The following PRSS12 variants were observed in gnomAD, a reference collection of about 807,000 sequenced individuals.
PRSS12 encodes the protein neurotrypsin.
A neutral mutation model predicts 104.4 loss-of-function variants in PRSS12; 85 were observed. The observed-to-expected ratio is 0.81, with a 90% CI of 0.68 to 0.98. PRSS12 has a LOEUF of 0.98. PRSS12 is among the 50% of genes least tolerant of loss of function. The probability of loss-of-function intolerance (pLI) is 0.00; values close to 1 mark genes in which losing one functional copy is unlikely to be tolerated. For synonymous variants in PRSS12, 454 were observed against 425.2 expected (o/e 1.07, Z -0.83); for missense variants, 1,141 against 1,139.2 (o/e 1.00, Z -0.02).
intron 11 of PRSS12, among the ~76,000 whole-genome samples, chr4:118,286,201 G>A (rs376776499): frequency 5.3e-5 from 8 of 152,190 alleles, no homozygotes; most frequent in African/African-American, 1.9e-4. Context: ...CTCCTTCTGA[G>A]TACCCTTCAA....
Position 118,352,887 on chromosome 4 carries a change from G to GT in PRSS12, c.-168dup, listed in dbSNP as rs1724564140. 2.8e-6 allele frequency: 4 copies of GT among 1,411,120 alleles called. No individual in the cohort carries two copies. The highest frequency in any genetic ancestry group is 2.8e-6 in the Non-Finnish European group (3 of 1,086,008). The allele number at this position is 1,411,120 out of a possible 1,614,324, so 87.4% of individuals were successfully genotyped here. ...TCCCCAACCTTGCCTCCCGCCGCTG[G>GT]TGCCCTGCCGCGCCTCGGCTCCTGT... On this transcript the variant is annotated 5_prime_UTR_variant, in exon 1 of 13. Coordinates refer to ENST00000296498, the MANE Select transcript of PRSS12 (RefSeq NM_003619.4).
At chr4:118,303,771 C>T (rs1743461247) in intron 8 of PRSS12, 1 of 151,998 alleles carries the variant, frequency 6.6e-6, no homozygotes, top group Admixed American at 6.5e-5. Flanking sequence ...TTGCTGCTAT[C>T]AAGATCAAAC....
At position 118,298,871 on chromosome 4, in the gene PRSS12, C is replaced by T; in HGVS notation, c.1699G>A (p.Val567Met). 1 of 1,614,196 alleles carries T rather than the reference C, an allele frequency of 6.2e-7. No individual in the cohort carries two copies. The highest frequency in any genetic ancestry group is 8.5e-7 in the Non-Finnish European group (1 of 1,180,030). The change falls in exon 9 of 13, where the codon GTG (valine) becomes ATG (methionine). Residue 567 changes from valine to methionine, a missense_variant. Transcript: ENST00000296498. Reference sequence around the variant, plus strand: ...GACCTCTCATTTCCTGTGCACTTCACATTATCCACATGGATGGGTCCTTTT... The same window carrying T: ...GACCTCTCATTTCCTGTGCACTTCATATTATCCACATGGATGGGTCCTTTT... ...EGKGPIHVDN[V>M]KCTGNERSLA... is the part of the protein sequence containing the mutation.
intron 7 of PRSS12, among the ~76,000 whole-genome samples, chr4:118,309,464 G>A (rs1413148057): frequency 1.4e-5 from 1 of 73,092 alleles, no homozygotes; most frequent in Non-Finnish European, 3.6e-5. Context: ...TAAGGAGAGA[G>A]GCCTGGAGCA....
chr4:118,329,489 TGATAACCCA>T (rs1723864213), intron 4 of PRSS12, among the ~76,000 whole-genome samples: 1 of 152,162 alleles, frequency 6.6e-6, no homozygotes, highest in African/African-American at 2.4e-5. Flanking sequence ...AACACATAAC[TGATAACCCA>T]GTGAATACAT....
chr4:118,326,970 T>G (rs1373531232), intron 4 of PRSS12, among the ~76,000 whole-genome samples: 1 of 152,088 alleles, frequency 6.6e-6, no homozygotes, highest in Non-Finnish European at 1.5e-5. Flanking sequence ...ACACTAACAA[T>G]AGCTGATGAT....
Position 118,316,328 on chromosome 4 carries a change from G to T in PRSS12, c.1151-5C>A, listed in dbSNP as rs1306407648. On this transcript the variant is annotated splice_region_variant and splice_polypyrimidine_tract_variant and intron_variant, in intron 5 of 12. Coordinates refer to ENST00000296498, the MANE Select transcript of PRSS12 (RefSeq NM_003619.4). ...CTGCAAGTCTGATGACCCCATCTGT[G>T]ATAAAGAGGAGACACAGAGACTAAG... 7.4e-6 allele frequency: 12 copies of T among 1,613,772 alleles called. No individual in the cohort carries two copies. The highest frequency in any genetic ancestry group is 1.0e-5 in the Non-Finnish European group (12 of 1,179,980).
chr4:118,300,967 T>C (rs1743392899), intron 8 of PRSS12, among the ~76,000 whole-genome samples: 1 of 152,100 alleles, frequency 6.6e-6, no homozygotes, highest in South Asian at 2.1e-4. Flanking sequence ...ATATATATCC[T>C]TATACATAAA....
chr4:118,312,454 C>T (rs1037379807), intron 7 of PRSS12, among the ~76,000 whole-genome samples: 1 of 151,616 alleles, frequency 6.6e-6, no homozygotes, highest in African/African-American at 2.4e-5. Flanking sequence ...GAATATTTCC[C>T]TCTGTATTTT....
chr4:118,284,844 A>G (rs921839064), intron 11 of PRSS12, among the ~76,000 whole-genome samples: 1 of 152,210 alleles, frequency 6.6e-6, no homozygotes, highest in African/African-American at 2.4e-5. Context: ...GGAAGCACGC[A>G]TGTAACAACT....
intron 3 of PRSS12, among the ~76,000 whole-genome samples, chr4:118,332,153 G>A (rs1560782513): frequency 6.6e-6 from 1 of 152,086 alleles, no homozygotes. Context: ...CTCAAAAGCT[G>A]CGCATTACTG....
chr4:118,313,031 G>T, intron 7 of PRSS12, 170 bp downstream of exon 7: 1 of 742,588 alleles, frequency 1.3e-6, no homozygotes, highest in Non-Finnish European at 2.2e-6. Flanking sequence ...TTGGCGCACA[G>T]ACTCAAAAGA....
intron 1 of PRSS12, among the ~76,000 whole-genome samples, chr4:118,349,051 G>A (rs915048040): frequency 1.3e-5 from 2 of 151,786 alleles, no homozygotes; most frequent in African/African-American, 4.8e-5. Flanking sequence ...GAACATCCAC[G>A]CCCAGCCCTG....
At chr4:118,299,187 C>T (rs555893066) in intron 8 of PRSS12, among the ~76,000 whole-genome samples, 17 of 152,290 alleles carry the variant, frequency 1.1e-4, no homozygotes, top group African/African-American at 4.1e-4. Flanking sequence ...AAGAAACTTA[C>T]ATTTAATGGC....
chr4:118,351,618 T>C (rs918280142), intron 1 of PRSS12, among the ~76,000 whole-genome samples: 3 of 152,180 alleles, frequency 2.0e-5, no homozygotes, highest in Admixed American at 6.5e-5. Context: ...CTTTCTTTTT[T>C]TCCAGTCACT....
intron 9 of PRSS12, among the ~76,000 whole-genome samples, chr4:118,296,672 C>T (rs796304091): frequency 1.3e-5 from 2 of 151,894 alleles, no homozygotes; most frequent in African/African-American, 4.8e-5. Flanking sequence ...ACAGGAAGAC[C>T]TAATCAACAC....
At chr4:118,328,825 G>T (rs1723847784) in intron 4 of PRSS12, among the ~76,000 whole-genome samples, 1 of 152,028 alleles carries the variant, frequency 6.6e-6, no homozygotes, top group East Asian at 1.9e-4. Flanking sequence ...ACGGAGTCTT[G>T]CTCTGTTGCC....
chr4:118,308,390 A>C, intron 8 of PRSS12, 46 bp downstream of exon 8: 1 of 1,611,538 alleles, frequency 6.2e-7, no homozygotes, highest in Non-Finnish European at 8.5e-7. Context: ...TTAAAAATTC[A>C]GATATGCTCA....
chr4:118,293,437 T>C (rs888914562), intron 11 of PRSS12, among the ~76,000 whole-genome samples: 19 of 152,120 alleles, frequency 1.2e-4, no homozygotes, highest in Admixed American at 2.6e-4. Flanking sequence ...AAGAAAATGA[T>C]GACACTTTTA....
Sources: allele counts gnomAD v4.1 joint callset (sites outside exome capture counted in the v4.1 genomes callset), GRCh38; gene constraint gnomAD v4.1.1; transcripts MANE v1.5; gene names NCBI Gene and HGNC (gene_info 2026-07-23, HGNC 2026-07-21).